The following IMMP2L variants were observed in gnomAD, a reference collection of about 807,000 sequenced individuals.
IMMP2L encodes the protein inner mitochondrial membrane peptidase subunit 2, also known as mitochondrial inner membrane protease subunit 2.
In IMMP2L, 18 loss-of-function variants were observed where a neutral mutation model predicts 19.3. The observed-to-expected ratio is 0.93, with a 90% CI of 0.64 to 1.38. The LOEUF is 1.38. Among genes scored for constraint, IMMP2L ranks in the 40% most tolerant of loss-of-function variants. The pLI is 0.00. For missense variants in IMMP2L, 233 were observed against 218.2 expected (o/e 1.07, Z -0.43); for synonymous variants, 76 against 73.0 (o/e 1.04, Z -0.21).
At chr7:110,688,884 A>T (rs2130520337) in intron 5 of IMMP2L, among the ~76,000 whole-genome samples, 1 of 150,216 alleles carries the variant, frequency 6.7e-6, no homozygotes, top group East Asian at 1.9e-4. Flanking sequence ...ACATGTGTAC[A>T]TATGTATACA....
intron 3 of IMMP2L, among the ~76,000 whole-genome samples, chr7:111,311,025 G>C (rs997809148): frequency 6.6e-6 from 1 of 152,136 alleles, no homozygotes. Context: ...GGTAATCTCT[G>C]ACATTTCTCT....
At chr7:110,930,185 C>G (rs17158162) in intron 4 of IMMP2L, among the ~76,000 whole-genome samples, 9,368 of 152,220 alleles carry the variant, frequency 0.062, 1,004 homozygotes, top group African/African-American at 0.21. Context: ...GAAGCCTTTA[C>G]TTCCTTTTCA....
chr7:111,556,095 G>GCT (rs1264951074), intron 1 of IMMP2L, among the ~76,000 whole-genome samples: 2 of 141,740 alleles, frequency 1.4e-5, no homozygotes, highest in Admixed American at 7.5e-5. Flanking sequence ...ATTTTTAAAA[G>GCT]CTCTCTAGGG....
intron 3 of IMMP2L, among the ~76,000 whole-genome samples, chr7:111,008,530 TCTTAAC>T (rs1824554153): frequency 6.6e-6 from 1 of 151,876 alleles, no homozygotes; most frequent in Non-Finnish European, 1.5e-5. Flanking sequence ...CTCCTATCCC[TCTTAAC>T]CTTATCTTTC....
rs1384731807 is a variant in IMMP2L at position 111,451,819 on chromosome 7, A to C, written c.239+35419T>G. On this transcript the variant is annotated intron_variant, in intron 3 of 5. Coordinates refer to ENST00000405709, the MANE Select transcript of IMMP2L (RefSeq NM_032549.4). ...GGAAAGGAAGAAACCCTTTCAAACA[A>C]AGAAATCCTACGTTTTCTCTCGATA... Among the ~76,000 whole-genome samples the C allele has an allele frequency of 2.0e-5, 3 of 152,230 alleles. No homozygotes were observed. In the East Asian group the frequency reaches 5.8e-4, roughly 29 times the overall value.
chr7:111,333,313 A>T (rs1826058494), intron 3 of IMMP2L, among the ~76,000 whole-genome samples: 1 of 152,178 alleles, frequency 6.6e-6, no homozygotes, highest in South Asian at 2.1e-4. Flanking sequence ...TTTTTCCTTT[A>T]AATGTGACAT....
intron 4 of IMMP2L, among the ~76,000 whole-genome samples, chr7:110,953,679 T>C (rs1009200048): frequency 6.6e-6 from 1 of 152,144 alleles, no homozygotes; most frequent in African/African-American, 2.4e-5. Flanking sequence ...TTTGGGTATA[T>C]ACCCAGGAAT....
chr7:111,347,682 G>A (rs921194670), intron 3 of IMMP2L, among the ~76,000 whole-genome samples: 1 of 151,954 alleles, frequency 6.6e-6, no homozygotes, highest in African/African-American at 2.4e-5. Flanking sequence ...AAGGAGGTTG[G>A]GGAGTAGAGG....
At position 111,548,448 on chromosome 7, in the gene IMMP2L, C is replaced by A. The variant is rs369562131; in HGVS notation, c.-3+13403G>T. On this transcript the variant is annotated intron_variant, in intron 1 of 5. Transcript: ENST00000405709. Reference sequence around the variant, plus strand: ...TAACAGTCATTCTTACATCTTTTGTCATAGGATATTCCACCGTTCTGTCTT... The same window carrying A: ...TAACAGTCATTCTTACATCTTTTGTAATAGGATATTCCACCGTTCTGTCTT... Among the ~76,000 whole-genome samples, 103 of 152,194 alleles carry A rather than the reference C, an allele frequency of 6.8e-4. 3 individuals are homozygous for A. The South Asian group carries it at 0.019, about 28-fold the overall frequency.
At chr7:110,849,606 T>C (rs1342155619) in intron 5 of IMMP2L, among the ~76,000 whole-genome samples, 8 of 152,090 alleles carry the variant, frequency 5.3e-5, no homozygotes, top group Non-Finnish European at 7.4e-5. Flanking sequence ...AAAATAATGA[T>C]GTTTATCACG....
intron 5 of IMMP2L, among the ~76,000 whole-genome samples, chr7:110,816,725 CTTCT>C (rs1802555398): frequency 6.7e-6 from 1 of 150,228 alleles, no homozygotes; most frequent in Non-Finnish European, 1.5e-5. Flanking sequence ...ATGTAATGGC[CTTCT>C]TTGTCTCTTT....
intron 3 of IMMP2L, among the ~76,000 whole-genome samples, chr7:111,335,495 G>A (rs1826310777): frequency 2.6e-5 from 4 of 152,084 alleles, no homozygotes; most frequent in African/African-American, 7.2e-5. Flanking sequence ...AGTTATCAAC[G>A]TGAAATTTAC....
intron 5 of IMMP2L, among the ~76,000 whole-genome samples, chr7:110,751,323 A>C (rs1584719515): frequency 6.6e-6 from 1 of 151,956 alleles, no homozygotes; most frequent in African/African-American, 2.4e-5. Context: ...TCATGACAAT[A>C]CTCCTTTAGA....
At chr7:110,815,409 A>C (rs1469240918) in intron 5 of IMMP2L, among the ~76,000 whole-genome samples, 2 of 152,022 alleles carry the variant, frequency 1.3e-5, no homozygotes, top group African/African-American at 4.8e-5. Flanking sequence ...TTCATCAAGG[A>C]TATTGGTCTA....
rs557422568 is a variant in IMMP2L at position 110,834,725 on chromosome 7, T to G, written c.408+51868A>C. 5.3e-5 allele frequency among the ~76,000 whole-genome samples: 8 copies of G among 152,308 alleles called. No individual in the cohort carries two copies. In the South Asian group the frequency reaches 1.4e-3, roughly 28 times the overall value. On this transcript the variant is annotated intron_variant, in intron 5 of 5. Transcript: ENST00000405709. ...CTATAGCATGTGACAGTGCAAAGTATGAAAGTAGACTAAGATTGGGAGCTG... is the reference window on the plus strand; with the variant it reads ...CTATAGCATGTGACAGTGCAAAGTAGGAAAGTAGACTAAGATTGGGAGCTG...
chr7:111,532,364 A>G (rs745997821), intron 1 of IMMP2L, among the ~76,000 whole-genome samples: 1 of 152,122 alleles, frequency 6.6e-6, no homozygotes, highest in Non-Finnish European at 1.5e-5. Flanking sequence ...CTCAACAATA[A>G]GCGGAATTGA....
At chr7:111,474,440 A>G (rs1425999032) in intron 3 of IMMP2L, among the ~76,000 whole-genome samples, 4 of 152,098 alleles carry the variant, frequency 2.6e-5, no homozygotes, top group Admixed American at 6.6e-5. Context: ...AAAAGTGAAT[A>G]TTCAAAGATA....
At chr7:111,113,618 T>TA (rs973765692) in intron 3 of IMMP2L, among the ~76,000 whole-genome samples, 1 of 151,338 alleles carries the variant, frequency 6.6e-6, no homozygotes, top group East Asian at 1.9e-4. Context: ...TATCTTCCAA[T>TA]AAAAAAATGA....
chr7:111,044,734 A>C (rs1363924180), intron 3 of IMMP2L, among the ~76,000 whole-genome samples: 1 of 152,190 alleles, frequency 6.6e-6, no homozygotes, highest in Non-Finnish European at 1.5e-5. Context: ...AATGGAAAGA[A>C]ACAAAGGAAC....
Sources: allele counts gnomAD v4.1 joint callset (sites outside exome capture counted in the v4.1 genomes callset), GRCh38; gene constraint gnomAD v4.1.1; transcripts MANE v1.5; gene names NCBI Gene and HGNC (gene_info 2026-07-23, HGNC 2026-07-21).